Variants in ZNF343 observed in about 807,000 individuals in gnomAD.
ZNF343 encodes the protein zinc finger protein 343.
ZNF343 carries 11 observed loss-of-function variants against 13.8 expected under a neutral mutation model. That is an observed-to-expected ratio of 0.80 (90% CI 0.50 to 1.32). The LOEUF is 1.32. Ranked by LOEUF, ZNF343 falls within the 40% of genes most tolerant of loss-of-function variation. The probability of loss-of-function intolerance (pLI) is 0.00; values close to 1 mark genes in which losing one functional copy is unlikely to be tolerated. For missense variants in ZNF343, 658 were observed against 714.2 expected (o/e 0.92, Z 0.90); for synonymous variants, 248 against 260.0 (o/e 0.95, Z 0.44).
intron 1 of ZNF343, among the ~76,000 whole-genome samples, chr20:2,501,541 G>A (rs1016726924): frequency 1.3e-5 from 2 of 152,194 alleles, no homozygotes; most frequent in African/African-American, 4.8e-5. Flanking sequence ...CCCCTGAGTA[G>A]CCTAACTGGG....
intron 1 of ZNF343, among the ~76,000 whole-genome samples, chr20:2,523,781 C>T (rs1221113968): frequency 2.0e-5 from 3 of 147,254 alleles, no homozygotes; most frequent in Non-Finnish European, 4.4e-5. Flanking sequence ...CCTGGATTCA[C>T]GTGATTCTCC....
At chr20:2,523,971 C>A (rs1317015119) in intron 1 of ZNF343, among the ~76,000 whole-genome samples, 1 of 122,482 alleles carries the variant, frequency 8.2e-6, no homozygotes, top group Admixed American at 8.8e-5. Context: ...GTGACAGAGA[C>A]CCCGTCTCAA....
At chr20:2,520,989 A>G (rs893134359) in intron 1 of ZNF343, among the ~76,000 whole-genome samples, 1 of 152,186 alleles carries the variant, frequency 6.6e-6, no homozygotes, top group African/African-American at 2.4e-5. Flanking sequence ...GAAGTCTTTA[A>G]TGAGTGGCAT....
upstream of ZNF343, among the ~76,000 whole-genome samples, chr20:2,511,217 T>C (rs2085737921): frequency 6.6e-6 from 1 of 151,424 alleles, no homozygotes. Flanking sequence ...CTCAAGTGAG[T>C]CTTCCACCTC....
chr20:2,506,196 GC>G (rs1358261147), intron 1 of ZNF343, among the ~76,000 whole-genome samples: 1 of 152,176 alleles, frequency 6.6e-6, no homozygotes, highest in African/African-American at 2.4e-5. Flanking sequence ...AGGAAAAAAT[GC>G]CCATCATCAC....
Position 2,504,604 on chromosome 20 carries a change from T to A in ZNF343, c.-236-3862A>T, listed in dbSNP as rs557083176. Among the ~76,000 whole-genome samples the A allele has an allele frequency of 2.6e-5, 4 of 152,288 alleles. No homozygotes were observed. In the East Asian group the frequency reaches 5.8e-4, roughly 22 times the overall value. On this transcript the variant is annotated intron_variant, in intron 1 of 5. Coordinates refer to ENST00000278772, the MANE Select transcript of ZNF343 (RefSeq NM_024325.6). ...GGCACATCAAAAAGCTTATCCACCATGATCAAGTGGTCTTCATCCCTGGGA... is the reference window on the plus strand; with the variant it reads ...GGCACATCAAAAAGCTTATCCACCAAGATCAAGTGGTCTTCATCCCTGGGA...
intron 1 of ZNF343, among the ~76,000 whole-genome samples, chr20:2,504,557 A>G (rs1436141890): frequency 1.3e-5 from 2 of 152,188 alleles, no homozygotes; most frequent in Non-Finnish European, 2.9e-5. Flanking sequence ...CCTCAATAAA[A>G]TATTGGCAAA....
At chr20:2,492,553 C>T in intron 5 of ZNF343, 146 bp downstream of exon 5, 1 of 885,848 alleles carries the variant, frequency 1.1e-6, no homozygotes, top group Non-Finnish European at 1.7e-6. Flanking sequence ...TCTCCTTACA[C>T]TAGAAAGTAA....
rs2085711178 is a variant in ZNF343, at chr20:2,508,760, C to T, written c.-237+121G>A. ...CCTCCAAAAACCAAATATCTCCAAC[C>T]CGCACTCCCCATTGGCCACACTCTA... On this transcript the variant is annotated intron_variant, in intron 1 of 5. Coordinates refer to ENST00000278772, the MANE Select transcript of ZNF343 (RefSeq NM_024325.6). This position sits in a 1 kb window ranked among gnomAD's most constrained non-coding sequence, Gnocchi z 4.5. The T allele has an allele frequency of 6.6e-6, 1 of 152,388 alleles. No homozygotes were observed. 9.4% of individuals were successfully genotyped at this position (152,388 alleles called of 1,614,324 possible).
upstream of ZNF343, among the ~76,000 whole-genome samples, chr20:2,513,683 T>C (rs1297968011): frequency 1.3e-5 from 2 of 152,228 alleles, no homozygotes; most frequent in Non-Finnish European, 2.9e-5. Context: ...TTTTATAGAA[T>C]GTTTACATCA....
In ZNF343 at chr20:2,501,266, C is replaced by T. The variant is rs565437292; in HGVS notation, c.-236-524G>A. Among the ~76,000 whole-genome samples the T allele has an allele frequency of 9.8e-3, 1,496 of 152,244 alleles. 15 individuals are homozygous for T. The highest frequency in any genetic ancestry group is 0.034 in the African/African-American group (1,393 of 41,546). On this transcript the variant is annotated intron_variant, in intron 1 of 5. Coordinates refer to ENST00000278772, the MANE Select transcript of ZNF343 (RefSeq NM_024325.6). ...GGCGGCAGCGAGGCTGGGGGAGGGG[C>T]ACCCACCATTGCTGAGGCTTGAGTA... is the stretch of plus-strand genomic sequence containing the variant.
upstream of ZNF343, chr20:2,508,986 G>T (rs1387875624): frequency 6.6e-6 from 1 of 152,310 alleles, no homozygotes; most frequent in East Asian, 1.9e-4. The surrounding 1 kb of genome is among the most constrained non-coding windows in gnomAD (Gnocchi z 4.5). Flanking sequence ...AGCCACTTCT[G>T]GGCCGTGCAA....
intron 1 of ZNF343, among the ~76,000 whole-genome samples, chr20:2,503,397 C>T (rs2085603068): frequency 6.6e-6 from 1 of 152,146 alleles, no homozygotes; most frequent in African/African-American, 2.4e-5. Flanking sequence ...TTAGACAGAT[C>T]AACAAGACAG....
At chr20:2,493,721 G>A in intron 3 of ZNF343, 57 bp downstream of exon 3, 2 of 1,493,524 alleles carry the variant, frequency 1.3e-6, no homozygotes, top group South Asian at 2.3e-5. Flanking sequence ...GCATTTTCAG[G>A]TGAACCTGGA....
chr20:2,506,338 CT>C (rs2085656135), intron 1 of ZNF343, among the ~76,000 whole-genome samples: 1 of 152,110 alleles, frequency 6.6e-6, no homozygotes, highest in Non-Finnish European at 1.5e-5. Context: ...CACTTTTACA[CT>C]GTTGGTGGGA....
chr20:2,493,701 G>C, intron 3 of ZNF343, 77 bp downstream of exon 3: 2 of 1,388,612 alleles, frequency 1.4e-6, no homozygotes, highest in Non-Finnish European at 1.0e-6. Context: ...ACTCAGAGGT[G>C]ACCTCTGAAG....
At chr20:2,522,783 T>C (rs1028563734) in intron 1 of ZNF343, among the ~76,000 whole-genome samples, 13 of 152,172 alleles carry the variant, frequency 8.5e-5, no homozygotes, top group African/African-American at 4.8e-5. Context: ...ACCCTGTCTC[T>C]ACAAAAGACA....
chr20:2,517,107 G>T lies in ZNF343; in HGVS notation c.-347+7348C>A, dbSNP rs118011744. On this transcript the variant is annotated intron_variant, in intron 1 of 6. Coordinates refer to the ZNF343 transcript ENST00000358413. ...ACAGCAAACCATGCTTCCAACTAAG[G>T]TTCAAGTCCAGGTTTGGGAATATTT... is the stretch of plus-strand genomic sequence containing the variant. Among the ~76,000 whole-genome samples the T allele has an allele frequency of 9.3e-4, 142 of 152,236 alleles. 3 individuals are homozygous for T. In the East Asian group the frequency reaches 0.026, roughly 28 times the overall value.
chr20:2,483,913 CCT>C lies in ZNF343; in HGVS notation c.1046_1047del (p.Glu349GlyfsTer14). ...ILNRHQWTHS[E>X]EKPYVCSECG... ...CACTCGCTGCAAACATAGGGCTTCT[CCT>C]CTGAGTGAGTCCACTGATGTCTATT... is the stretch of plus-strand genomic sequence containing the variant. On this transcript the variant is annotated frameshift_variant, in exon 6 of 6. Coordinates refer to ENST00000278772, the MANE Select transcript of ZNF343 (RefSeq NM_024325.6). LOFTEE classifies it low-confidence loss of function (END_TRUNC). 1 of 1,614,200 alleles carries C rather than the reference CCT, an allele frequency of 6.2e-7. No homozygotes were observed. The highest frequency in any genetic ancestry group is 1.3e-5 in the African/African-American group (1 of 75,050).
Sources: allele counts gnomAD v4.1 joint callset (sites outside exome capture counted in the v4.1 genomes callset), GRCh38; gene constraint gnomAD v4.1.1; non-coding constraint Gnocchi (gnomAD v3.1); transcripts MANE v1.5; gene names NCBI Gene and HGNC (gene_info 2026-07-23, HGNC 2026-07-21).